STARD4: variants seen among roughly 807,000 people sequenced by gnomAD.
The protein encoded by STARD4 is StAR related lipid transfer domain containing 4.
A neutral mutation model predicts 24.9 loss-of-function variants in STARD4; 33 were observed. The observed-to-expected ratio is 1.32, with a 90% CI of 1.00 to 1.77. STARD4 has a LOEUF of 1.77. Ranked by LOEUF, STARD4 falls within the 40% of genes most tolerant of loss-of-function variation. The pLI is 0.00. For synonymous variants in STARD4, 88 were observed against 77.4 expected, an observed-to-expected ratio of 1.14 and a Z score of -0.72; for missense variants, 238 against 249.3, an observed-to-expected ratio of 0.95 and a Z score of 0.31.
rs1756284081 is a variant in STARD4, at chr5:111,499,710, G to A, written c.*176C>T. 3 of 596,196 alleles carry A rather than the reference G, an allele frequency of 5.0e-6. No individual in the cohort carries two copies. The highest frequency in any genetic ancestry group is 5.8e-5 in the East Asian group (2 of 34,216). The allele number at this position is 596,196 out of a possible 1,614,324, so 36.9% of individuals were successfully genotyped here. ...AATTTAAAAAAAAAAAAGTGAAAATGCCCTCTCTTAGATAGCTATTTACTT... is the reference window on the plus strand; with the variant it reads ...AATTTAAAAAAAAAAAAGTGAAAATACCCTCTCTTAGATAGCTATTTACTT... On this transcript the variant is annotated 3_prime_UTR_variant, in exon 6 of 6. Coordinates refer to ENST00000296632, the MANE Select transcript of STARD4 (RefSeq NM_139164.3).
chr5:111,500,785 A>G (rs1365629279), intron 5 of STARD4: 50 of 1,456,740 alleles, frequency 3.4e-5, no homozygotes, highest in Non-Finnish European at 4.4e-5. Flanking sequence ...TCTGACCTAG[A>G]GGATACTGTG....
At chr5:111,511,217 T>G (rs1757245453) in intron 1 of STARD4, among the ~76,000 whole-genome samples, 1 of 152,140 alleles carries the variant, frequency 6.6e-6, no homozygotes. Context: ...AAATGCAACA[T>G]GGAAGTATAT....
chr5:111,504,452 ACC>A (rs1486493617), intron 3 of STARD4, among the ~76,000 whole-genome samples: 19 of 152,204 alleles, frequency 1.2e-4, no homozygotes, highest in African/African-American at 4.6e-4. Flanking sequence ...TAAAAAACAC[ACC>A]AAATAATGCT....
At chr5:111,504,685 G>A (rs1302815325) in intron 3 of STARD4, among the ~76,000 whole-genome samples, 1 of 152,016 alleles carries the variant, frequency 6.6e-6, no homozygotes, top group Non-Finnish European at 1.5e-5. Flanking sequence ...CCATAAATCT[G>A]CTCTCTCATC....
At chr5:111,510,179 C>T (rs1435288053) in intron 1 of STARD4, among the ~76,000 whole-genome samples, 3 of 152,158 alleles carry the variant, frequency 2.0e-5, no homozygotes, top group Admixed American at 6.5e-5. Flanking sequence ...AGATTAAGTC[C>T]ATAATGAAAT....
chr5:111,509,630 C>G (rs184784596), intron 1 of STARD4, among the ~76,000 whole-genome samples: 2 of 152,084 alleles, frequency 1.3e-5, no homozygotes, highest in Non-Finnish European at 2.9e-5. Flanking sequence ...TATCTTCTCC[C>G]GTTTAACTGT....
chr5:111,505,453 C>G (rs1463553914), intron 3 of STARD4, among the ~76,000 whole-genome samples: 1 of 152,128 alleles, frequency 6.6e-6, no homozygotes, highest in Admixed American at 6.5e-5. Flanking sequence ...AGGATGTGAA[C>G]ATTCTACTCC....
At chr5:111,500,950 C>T in intron 5 of STARD4, 52 bp downstream of exon 5, 1 of 1,611,142 alleles carries the variant, frequency 6.2e-7, no homozygotes, top group Non-Finnish European at 8.5e-7. Context: ...GCCAAGAAAA[C>T]ACAAATATTT....
chr5:111,502,120 T>TA (rs1442393616), intron 3 of STARD4, 32 bp from the exon 4 acceptor site: 1 of 1,599,242 alleles, frequency 6.3e-7, no homozygotes, highest in Non-Finnish European at 8.5e-7. Flanking sequence ...CAACCGCTGT[T>TA]ACAATAAAAA....
rs1225303930 is a variant in STARD4 at position 111,498,930 on chromosome 5, A to G, written c.*956T>C. 1 of 152,198 alleles carries G rather than the reference A, an allele frequency of 6.6e-6. No individual in the cohort carries two copies. Among genetic ancestry groups the G allele is most frequent in the African/African-American group, 2.4e-5 (1 of 41,452 alleles). 9.4% of individuals were successfully genotyped at this position (152,198 alleles called of 1,614,324 possible). On this transcript the variant is annotated 3_prime_UTR_variant, in exon 6 of 6. Transcript: ENST00000296632. Reference sequence around the variant, plus strand: ...AAAGTAAAACACAGATCAAACTACCATGCACTTGAAACACTATGTACCTTT... The same window carrying G: ...AAAGTAAAACACAGATCAAACTACCGTGCACTTGAAACACTATGTACCTTT...
chr5:111,500,383 A>G (rs1756347249), intron 5 of STARD4: 1 of 1,130,524 alleles, frequency 8.8e-7, no homozygotes, highest in East Asian at 5.2e-5. Flanking sequence ...TCTTGGTTGT[A>G]GTATCCAGGC....
intron 1 of STARD4, among the ~76,000 whole-genome samples, chr5:111,509,784 TCTAAAG>T (rs1332539980): frequency 6.6e-6 from 1 of 152,164 alleles, no homozygotes; most frequent in Non-Finnish European, 1.5e-5. Flanking sequence ...CCTCAAGATA[TCTAAAG>T]TATGCCCATT....
Position 111,499,877 on chromosome 5 carries a change from T to C in STARD4, c.*9A>G. On this transcript the variant is annotated 3_prime_UTR_variant, in exon 6 of 6. Coordinates refer to ENST00000296632, the MANE Select transcript of STARD4 (RefSeq NM_139164.3). ...CTGTAGTACTACAAGTTTGAATGTATTTTGCCTCTCATAAAGCTTTTCGTA... is the reference window on the plus strand; with the variant it reads ...CTGTAGTACTACAAGTTTGAATGTACTTTGCCTCTCATAAAGCTTTTCGTA... 1.2e-6 allele frequency: 2 copies of C among 1,612,132 alleles called. No homozygotes were observed. The highest frequency in any genetic ancestry group is 1.1e-5 in the South Asian group (1 of 91,008).
chr5:111,500,333 A>G (rs1202102069), intron 5 of STARD4: 76 of 1,255,958 alleles, frequency 6.1e-5, no homozygotes, highest in Non-Finnish European at 7.1e-5. Context: ...TTCAGAATAC[A>G]TGACATCATA....
intron 1 of STARD4, among the ~76,000 whole-genome samples, chr5:111,511,289 TA>T (rs966269326): frequency 1.0e-4 from 15 of 149,178 alleles, no homozygotes; most frequent in Middle Eastern, 3.5e-3. Context: ...AATACTTGAT[TA>T]AAAAAAAAAC....
chr5:111,500,155 A>G (rs1366988896), intron 5 of STARD4, 49 bp from the exon 6 acceptor site: 3 of 1,484,772 alleles, frequency 2.0e-6, no homozygotes, highest in Non-Finnish European at 2.7e-6. Context: ...TAACTGACAT[A>G]AAACTCTCAT....
rs753626300 is a variant in STARD4, at chr5:111,501,042, G to A, written c.357C>T (p.Phe119=). The change falls in exon 5 of 6, where the codon TTC becomes TTT. Residue 119 remains phenylalanine (F), a synonymous_variant. Transcript: ENST00000296632. ...NIISPREFVD[F]SYTVGYKEGL... is the part of the protein sequence containing the mutation. ...CTTCTTTATAGCCCACAGTATAGGA[G>A]AAATCAACAAATTCTCTTGGGGAAA... The A allele has an allele frequency of 6.2e-7, 1 of 1,613,266 alleles. No homozygotes were observed. The highest frequency in any genetic ancestry group is 8.5e-7 in the Non-Finnish European group (1 of 1,179,806).
intron 1 of STARD4, among the ~76,000 whole-genome samples, chr5:111,508,062 C>G (rs75174592): frequency 6.6e-6 from 1 of 152,126 alleles, no homozygotes; most frequent in East Asian, 1.9e-4. Context: ...GCTAGCTTAT[C>G]GCTGACTTGT....
chr5:111,500,982 T>G lies in STARD4; in HGVS notation c.397+20A>C, dbSNP rs771166620. ...ATTTAAACCATACTGAAAAAAAGCA[T>G]AACATGTTGAGATTATTACCACAAG... On this transcript the variant is annotated intron_variant, in intron 5 of 5. Coordinates refer to ENST00000296632, the MANE Select transcript of STARD4 (RefSeq NM_139164.3). 9 of 1,613,532 alleles carry G rather than the reference T, an allele frequency of 5.6e-6. No homozygotes were observed. The highest frequency in any genetic ancestry group is 7.6e-6 in the Non-Finnish European group (9 of 1,179,844).
Sources: allele counts gnomAD v4.1 joint callset (sites outside exome capture counted in the v4.1 genomes callset), GRCh38; gene constraint gnomAD v4.1.1; transcripts MANE v1.5; gene names NCBI Gene and HGNC (gene_info 2026-07-23, HGNC 2026-07-21).